ANO2: variants seen among roughly 807,000 people sequenced by gnomAD.
The protein encoded by ANO2 is anoctamin-2.
Under a neutral mutation model 124.2 loss-of-function variants are expected in ANO2, and 101 were observed. The ratio of observed to expected loss-of-function variants is 0.81; its 90% CI spans 0.69 to 0.96. The LOEUF is 0.96. Among genes scored for constraint, ANO2 ranks in the 40% least tolerant of loss-of-function variants. ANO2 has a pLI of 0.00. For missense variants in ANO2, 1,293 were observed against 1,274.5 expected (o/e 1.01, Z -0.22); for synonymous variants, 486 against 482.5 (o/e 1.01, Z -0.09).
intron 14 of ANO2, among the ~76,000 whole-genome samples, chr12:5,697,848 T>A (rs1949249286): frequency 1.3e-5 from 2 of 152,212 alleles, no homozygotes; most frequent in South Asian, 4.1e-4. Flanking sequence ...CCATGGAGCC[T>A]CGCTCATTGC....
At chr12:5,784,418 C>T (rs1952486041) in intron 10 of ANO2, among the ~76,000 whole-genome samples, 1 of 152,206 alleles carries the variant, frequency 6.6e-6, no homozygotes, top group African/African-American at 2.4e-5. Flanking sequence ...GAGCTGGTTC[C>T]TGCCACAGTG....
At chr12:5,898,980 AGAG>A (rs1489116765) in intron 3 of ANO2, among the ~76,000 whole-genome samples, 3 of 152,204 alleles carry the variant, frequency 2.0e-5, no homozygotes, top group Admixed American at 6.5e-5. Flanking sequence ...GGGTTTAGAA[AGAG>A]GAGTTTCTCA....
intron 16 of ANO2, among the ~76,000 whole-genome samples, chr12:5,628,158 TC>T (rs1410478951): frequency 6.6e-6 from 1 of 152,158 alleles, no homozygotes; most frequent in Non-Finnish European, 1.5e-5. Context: ...AAAAATTCTT[TC>T]TTTGTTAAAA....
At chr12:5,916,537 A>G (rs1430203160) in intron 3 of ANO2, among the ~76,000 whole-genome samples, 1 of 150,836 alleles carries the variant, frequency 6.6e-6, no homozygotes, top group African/African-American at 2.4e-5. Flanking sequence ...AAATCTGAAT[A>G]AAGTGTGAAT....
At chr12:5,863,268 C>T (rs1955328570) in intron 3 of ANO2, among the ~76,000 whole-genome samples, 2 of 152,208 alleles carry the variant, frequency 1.3e-5, no homozygotes, top group African/African-American at 4.8e-5. Flanking sequence ...GGCAGCACGG[C>T]ACCTTGAAAG....
chr12:5,580,017 C>T (rs1268817112), intron 20 of ANO2, among the ~76,000 whole-genome samples: 2 of 152,172 alleles, frequency 1.3e-5, no homozygotes, highest in Admixed American at 1.3e-4. Flanking sequence ...TCTTTATTTC[C>T]CACTGAGAAG....
chr12:5,748,620 C>T (rs138766329), intron 11 of ANO2, among the ~76,000 whole-genome samples: 44 of 152,206 alleles, frequency 2.9e-4, no homozygotes, highest in African/African-American at 1.0e-3. Context: ...CTGTTTACGG[C>T]GTGTATAACA....
chr12:5,921,000 C>A, intron 3 of ANO2, 40 bp downstream of exon 3: 1 of 1,572,154 alleles, frequency 6.4e-7, no homozygotes, highest in South Asian at 1.2e-5. Context: ...TTCTGTGGTG[C>A]CATTCCATCT....
At position 5,610,396 on chromosome 12, in the gene ANO2, T is replaced by C. The variant is rs1449778432; in HGVS notation, c.2087+2260A>G. Among the ~76,000 whole-genome samples the C allele has an allele frequency of 7.9e-4, 86 of 109,088 alleles. 1 individual carries two copies. Among genetic ancestry groups the C allele is most frequent in the Non-Finnish European group, 1.2e-3 (70 of 58,410 alleles). The allele number at this position is 109,088 out of a possible 152,430, so 71.6% of individuals were successfully genotyped here. A position where few individuals can be genotyped will look rare whatever the true frequency, so the allele number is the denominator to read the frequency against. On this transcript the variant is annotated intron_variant, in intron 19 of 24. Transcript: ENST00000682330. The stretch of plus-strand genomic sequence containing the variant: ...ATAAATATATAAATGCATATATTTA[T>C]ACATAAATATATAAATGCATATATT...
chr12:5,824,189 G>C (rs987963279), intron 7 of ANO2, among the ~76,000 whole-genome samples: 2 of 152,212 alleles, frequency 1.3e-5, no homozygotes, highest in Admixed American at 6.5e-5. Context: ...TAGGCTCCTT[G>C]CTACTTATGC....
intron 23 of ANO2, among the ~76,000 whole-genome samples, chr12:5,569,593 C>T (rs144426429): frequency 2.9e-4 from 44 of 152,214 alleles, no homozygotes; most frequent in South Asian, 8.3e-4. Context: ...TGTAAGAGAC[C>T]GAGGAAGTCA....
intron 14 of ANO2, among the ~76,000 whole-genome samples, chr12:5,665,089 G>A (rs952039143): frequency 9.9e-5 from 15 of 151,730 alleles, no homozygotes; most frequent in South Asian, 2.1e-4. Context: ...TTGCATCTCC[G>A]TGACATTCTT....
intron 1 of ANO2, among the ~76,000 whole-genome samples, chr12:5,943,284 T>A (rs1383561516): frequency 2.4e-5 from 2 of 81,746 alleles, no homozygotes; most frequent in South Asian, 4.9e-4. Flanking sequence ...TGTTTGTGTG[T>A]GTGTGTGTGT....
chr12:5,832,090 A>G (rs1954170268), intron 5 of ANO2, among the ~76,000 whole-genome samples: 1 of 152,182 alleles, frequency 6.6e-6, no homozygotes, highest in African/African-American at 2.4e-5. Context: ...TTGAAACCCT[A>G]TTAGACTGGC....
intron 3 of ANO2, among the ~76,000 whole-genome samples, chr12:5,906,794 A>AAAATAAATAAATAAAT (rs551277367): frequency 8.6e-5 from 13 of 151,224 alleles, no homozygotes; most frequent in African/African-American, 2.7e-4. Context: ...ACTCTGTCTC[A>AAAATAAATAAATAAAT]AAATAAATAA....
chr12:5,822,205 C>T lies in ANO2; in HGVS notation c.892+5564G>A, dbSNP rs368769283. ...AGATGTGCAATTATATACTGATTCACGGGCTGTAGCCAATGGTTTGGTTGG... is the reference window on the plus strand; with the variant it reads ...AGATGTGCAATTATATACTGATTCATGGGCTGTAGCCAATGGTTTGGTTGG... On this transcript the variant is annotated intron_variant, in intron 7 of 24. Coordinates refer to ENST00000682330, the MANE Select transcript of ANO2 (RefSeq NM_001364791.2). Among the ~76,000 whole-genome samples, 30 of 152,274 alleles carry T rather than the reference C, an allele frequency of 2.0e-4. 1 individual carries two copies. The highest frequency in any genetic ancestry group is 5.1e-4 in the African/African-American group (21 of 41,570).
chr12:5,794,480 T>C lies in ANO2; in HGVS notation c.1055+5027A>G, dbSNP rs531804565. Among the ~76,000 whole-genome samples the C allele has an allele frequency of 6.6e-5, 10 of 152,176 alleles. No individual in the cohort carries two copies. In the South Asian group the frequency reaches 8.3e-4, roughly 13 times the overall value. ...TATCAGGCTAAACTATAAATCCTTA[T>C]ACAGGGCAGTCCAGGCTGGTTACAA... On this transcript the variant is annotated intron_variant, in intron 10 of 24. Coordinates refer to ENST00000682330, the MANE Select transcript of ANO2 (RefSeq NM_001364791.2).
intron 1 of ANO2, among the ~76,000 whole-genome samples, chr12:5,938,023 C>T (rs1048954157): frequency 1.3e-5 from 2 of 152,180 alleles, no homozygotes; most frequent in Non-Finnish European, 2.9e-5. Context: ...CTGTTCTGAT[C>T]TCAATGCTGC....
At chr12:5,844,369 G>A (rs189441176) in intron 4 of ANO2, among the ~76,000 whole-genome samples, 2 of 152,256 alleles carry the variant, frequency 1.3e-5, no homozygotes, top group East Asian at 1.9e-4. Flanking sequence ...GGCACCACAG[G>A]CAAAGTGTAC....
Sources: gnomAD v4.1 joint callset for allele counts (sites outside exome capture counted in the v4.1 genomes callset) on GRCh38, gnomAD v4.1.1 for gene constraint, MANE v1.5 for transcripts, NCBI Gene and HGNC (gene_info 2026-07-23, HGNC 2026-07-21) for gene names.